Variants in CARM1 observed in about 807,000 individuals in gnomAD.
The protein encoded by CARM1 is histone-arginine methyltransferase CARM1.
In CARM1, 14 loss-of-function variants were observed where a neutral mutation model predicts 72.7. The observed-to-expected ratio is 0.19, with a 90% CI of 0.13 to 0.30. CARM1 has a LOEUF of 0.30. Ranked by LOEUF, CARM1 falls within the 10% of genes least tolerant of loss-of-function variation. The pLI, the probability that CARM1 is intolerant of heterozygous loss-of-function variation, is 1.00. For missense variants in CARM1, 432 were observed against 833.7 expected (o/e 0.52, Z 5.93); for synonymous variants, 333 against 345.5 (o/e 0.96, Z 0.40).
chr19:10,912,116 T>C lies in CARM1; in HGVS notation c.559-68T>C, dbSNP rs989305635. 2.7e-6 allele frequency: 3 copies of C among 1,098,018 alleles called. No individual in the cohort carries two copies. Among genetic ancestry groups the C allele is most frequent in the Non-Finnish European group, 1.4e-6 (1 of 708,614 alleles). 68.0% of individuals were successfully genotyped at this position (1,098,018 alleles called of 1,614,324 possible). On this transcript the variant is annotated intron_variant, in intron 4 of 15. Coordinates refer to ENST00000327064, the MANE Select transcript of CARM1 (RefSeq NM_199141.2). The surrounding 1 kb of genome is among the most constrained non-coding windows in gnomAD (Gnocchi z 4.5). ...CGCCTCATGATGTGCACATCCCTTATGATCACTGTCACCTCCCCATCACCG... is the reference window on the plus strand; with the variant it reads ...CGCCTCATGATGTGCACATCCCTTACGATCACTGTCACCTCCCCATCACCG...
chr19:10,877,088 G>A (rs1372043475), intron 1 of CARM1, among the ~76,000 whole-genome samples: 1 of 152,088 alleles, frequency 6.6e-6, no homozygotes, highest in Non-Finnish European at 1.5e-5. Flanking sequence ...CGAACCAGGG[G>A]CCCTTGTGAC....
rs1160595750 is a variant in CARM1, at chr19:10,922,159, C to T, written c.*402C>T. On this transcript the variant is annotated 3_prime_UTR_variant, in exon 16 of 16. Transcript: ENST00000327064. The stretch of plus-strand genomic sequence containing the variant: ...TGGCCAGGCGGGGCCTCCCCTTCGA[C>T]GACCAGGCCTCGGTCACAACGGACG... The T allele has an allele frequency of 1.2e-5, 2 of 169,134 alleles. No homozygotes were observed. Among genetic ancestry groups the T allele is most frequent in the African/African-American group, 2.4e-5 (1 of 42,144 alleles). The allele number at this position is 169,134 out of a possible 1,614,324, so 10.5% of individuals were successfully genotyped here. A position where few individuals can be genotyped will look rare whatever the true frequency, so the allele number is the denominator to read the frequency against.
chr19:10,900,905 G>A lies in CARM1; in HGVS notation c.221-4046G>A, dbSNP rs1004826291. ...TCACCGTGTTAGCCAGGATGGTCTC[G>A]ATCTCCTGACCTTGTGATCCACCCG... On this transcript the variant is annotated intron_variant, in intron 1 of 15. Coordinates refer to ENST00000327064, the MANE Select transcript of CARM1 (RefSeq NM_199141.2). Among the ~76,000 whole-genome samples, 20 of 151,630 alleles carry A rather than the reference G, an allele frequency of 1.3e-4. No individual in the cohort carries two copies. The East Asian group carries it at 1.7e-3, about 13-fold the overall frequency.
chr19:10,893,161 C>A (rs972343957), intron 1 of CARM1, among the ~76,000 whole-genome samples: 1 of 151,562 alleles, frequency 6.6e-6, no homozygotes, highest in Non-Finnish European at 1.5e-5. Flanking sequence ...CCTTAGCCTC[C>A]CGAGTTGCTG....
intron 2 of CARM1, 70 bp downstream of exon 2, chr19:10,905,146 A>C: frequency 6.4e-7 from 1 of 1,571,808 alleles, no homozygotes; most frequent in East Asian, 2.3e-5. Flanking sequence ...GCAGGGGCGT[A>C]GAGCCTGGCT....
rs901665940 is a variant in CARM1 at position 10,914,131 on chromosome 19, C to T, written c.847+77C>T. The T allele has an allele frequency of 2.2e-6, 3 of 1,388,202 alleles. No homozygotes were observed. The African/African-American group carries it at 4.4e-5, about 20-fold the overall frequency. 86.0% of individuals were successfully genotyped at this position (1,388,202 alleles called of 1,614,324 possible). A position where few individuals can be genotyped will look rare whatever the true frequency, so the allele number is the denominator to read the frequency against. Reference sequence around the variant, plus strand: ...CCGCTGAGCCAGGCCATCAGTGCTTCAGCTCCCTGCTTACTGTCGGTGGCC... The same window carrying T: ...CCGCTGAGCCAGGCCATCAGTGCTTTAGCTCCCTGCTTACTGTCGGTGGCC... On this transcript the variant is annotated intron_variant, in intron 6 of 15. Transcript: ENST00000327064.
rs891619017 is a variant in CARM1 at position 10,871,948 on chromosome 19, G to T, written c.220+26G>T. On this transcript the variant is annotated intron_variant, in intron 1 of 15. Coordinates refer to ENST00000327064, the MANE Select transcript of CARM1 (RefSeq NM_199141.2). This position sits in a 1 kb window ranked among gnomAD's most constrained non-coding sequence, Gnocchi z 5.6. ...GTGAGTACGGGGCCCCGGGGCAGGC[G>T]CAGGGCCGGGGCTGCTCACGAGGCC... 113 of 1,176,780 alleles carry T rather than the reference G, an allele frequency of 9.6e-5. No homozygotes were observed. The African/African-American group carries it at 1.7e-3, about 18-fold the overall frequency. The allele number at this position is 1,176,780 out of a possible 1,614,324, so 72.9% of individuals were successfully genotyped here. A position where few individuals can be genotyped will look rare whatever the true frequency, so the allele number is the denominator to read the frequency against.
chr19:10,913,042 C>T (rs959858716), intron 5 of CARM1, among the ~76,000 whole-genome samples: 4 of 151,982 alleles, frequency 2.6e-5, no homozygotes, highest in African/African-American at 9.7e-5. Context: ...CAGTTGTCGA[C>T]GCAGGGTGGG....
rs1433328322 is a variant in CARM1 at position 10,871,940 on chromosome 19, G to A, written c.220+18G>A. On this transcript the variant is annotated intron_variant, in intron 1 of 15. Coordinates refer to ENST00000327064, the MANE Select transcript of CARM1 (RefSeq NM_199141.2). This position sits in a 1 kb window ranked among gnomAD's most constrained non-coding sequence, Gnocchi z 5.6. ...CTACAGCCGTGAGTACGGGGCCCCG[G>A]GGCAGGCGCAGGGCCGGGGCTGCTC... 25 of 1,181,822 alleles carry A rather than the reference G, an allele frequency of 2.1e-5. No homozygotes were observed. The Admixed American group carries it at 3.2e-4, about 15-fold the overall frequency. 73.2% of individuals were successfully genotyped at this position (1,181,822 alleles called of 1,614,324 possible). A position where few individuals can be genotyped will look rare whatever the true frequency, so the allele number is the denominator to read the frequency against.
At chr19:10,904,317 G>A (rs919009353) in intron 1 of CARM1, among the ~76,000 whole-genome samples, 4 of 152,256 alleles carry the variant, frequency 2.6e-5, no homozygotes, top group African/African-American at 4.8e-5. Flanking sequence ...GGGCTGGCCC[G>A]TTCCTGGCAT....
chr19:10,907,921 A>T (rs922083029), intron 2 of CARM1, 118 bp from the exon 3 acceptor site: 1 of 656,478 alleles, frequency 1.5e-6, no homozygotes, highest in African/African-American at 1.8e-5. Context: ...AGAAATCACC[A>T]GCCCTGTATG....
intron 1 of CARM1, among the ~76,000 whole-genome samples, chr19:10,891,799 G>A (rs867664585): frequency 6.6e-6 from 1 of 152,170 alleles, no homozygotes; most frequent in African/African-American, 2.4e-5. Context: ...CCTTCTCTCC[G>A]CACTGCCCGT....
chr19:10,893,251 G>A (rs1311035658), intron 1 of CARM1, among the ~76,000 whole-genome samples: 1 of 151,800 alleles, frequency 6.6e-6, no homozygotes, highest in East Asian at 1.9e-4. Context: ...TGGCCAGGCT[G>A]GTCTCGAGCT....
At chr19:10,903,891 A>G (rs1049487012) in intron 1 of CARM1, among the ~76,000 whole-genome samples, 2 of 152,072 alleles carry the variant, frequency 1.3e-5, no homozygotes, top group Admixed American at 6.6e-5. Flanking sequence ...TTTTGTAGAG[A>G]TGGGGTCTTG....
In CARM1 at chr19:10,919,724, G is replaced by A. The variant is rs774386345; in HGVS notation, c.1106+44G>A. 213 of 1,564,882 alleles carry A rather than the reference G, an allele frequency of 1.4e-4. 2 individuals are homozygous for A. The highest frequency in any genetic ancestry group is 1.7e-4 in the Non-Finnish European group (193 of 1,137,216). ...CATCCTCCCAGGCCTGGCTCAGGCC[G>A]AAGGTCAGGGCCACCCCTGGCTCCC... On this transcript the variant is annotated intron_variant, in intron 9 of 15. Transcript: ENST00000327064.
At chr19:10,917,350 G>A (rs1047086471) in intron 8 of CARM1, among the ~76,000 whole-genome samples, 3 of 152,032 alleles carry the variant, frequency 2.0e-5, no homozygotes, top group Admixed American at 1.3e-4. Flanking sequence ...GGTGGCGGGC[G>A]CCTGTAGTCC....
intron 9 of CARM1, 93 bp from the exon 10 acceptor site, chr19:10,919,784 C>T (rs775390365): frequency 6.0e-6 from 9 of 1,496,004 alleles, no homozygotes; most frequent in South Asian, 2.3e-5. Context: ...AGATGGTGGG[C>T]GGGGGCCCCA....
intron 1 of CARM1, among the ~76,000 whole-genome samples, chr19:10,889,308 T>G (rs1691290524): frequency 6.6e-6 from 1 of 151,486 alleles, no homozygotes; most frequent in Admixed American, 6.6e-5. Flanking sequence ...CACTGCGCAA[T>G]TTGAGAATTT....
At chr19:10,914,183 C>T (rs962160536) in intron 6 of CARM1, 129 bp downstream of exon 6, 4 of 942,660 alleles carry the variant, frequency 4.2e-6, no homozygotes, top group Non-Finnish European at 6.2e-6. Context: ...CTGGGCTTTT[C>T]CCCCGCTCCC....
Sources: allele counts gnomAD v4.1 joint callset (sites outside exome capture counted in the v4.1 genomes callset), GRCh38; gene constraint gnomAD v4.1.1; non-coding constraint Gnocchi (gnomAD v3.1); transcripts MANE v1.5; gene names NCBI Gene and HGNC (gene_info 2026-07-23, HGNC 2026-07-21).